LOC128125817: variants seen among roughly 807,000 people sequenced by gnomAD.
chr1:41,595,466 G>GAAAGGAGTCTGGAGACTAATCA, the LOC128125817 span, among the ~76,000 whole-genome samples: 6 of 152,156 alleles, frequency 3.9e-5, no homozygotes, highest in African/African-American at 1.4e-4. Context: ...GGGACATGCC[G>GAAAGGAGTCTGGAGACTAATCA]AGAAAGGAGT....
the LOC128125817 span, among the ~76,000 whole-genome samples, chr1:41,592,908 G>A: frequency 1.1e-4 from 16 of 152,188 alleles, no homozygotes; most frequent in African/African-American, 1.4e-4. Context: ...CCTGGACACC[G>A]GCTTCTGCCA....
chr1:41,619,650 G>C, the LOC128125817 span, among the ~76,000 whole-genome samples: 1 of 152,190 alleles, frequency 6.6e-6, no homozygotes, highest in Non-Finnish European at 1.5e-5. Flanking sequence ...ACTGGTATGG[G>C]TGTTAGGAGT....
chr1:41,587,630 G>A, the LOC128125817 span, among the ~76,000 whole-genome samples: 1 of 152,218 alleles, frequency 6.6e-6, no homozygotes, highest in Non-Finnish European at 1.5e-5. Flanking sequence ...CTTCTATGGA[G>A]ACTAAAGTTA....
chr1:41,616,805 G>A, the LOC128125817 span, among the ~76,000 whole-genome samples: 4 of 152,124 alleles, frequency 2.6e-5, no homozygotes, highest in Middle Eastern at 3.4e-3. Context: ...CTCAGCACTC[G>A]GCCTTCCTCA....
chr1:41,611,115 T>C, the LOC128125817 span, among the ~76,000 whole-genome samples: 1 of 152,330 alleles, frequency 6.6e-6, no homozygotes, highest in Admixed American at 6.5e-5. Context: ...TACTAGTGTA[T>C]GTTACACTCC....
the LOC128125817 span, among the ~76,000 whole-genome samples, chr1:41,594,223 ATTTT>A: frequency 6.6e-6 from 1 of 152,050 alleles, no homozygotes; most frequent in Admixed American, 6.6e-5. Context: ...AGTTATAATT[ATTTT>A]ATTATTATTT....
At chr1:41,619,497 A>ATGTAACTC in the LOC128125817 span, among the ~76,000 whole-genome samples, 1 of 152,230 alleles carries the variant, frequency 6.6e-6, no homozygotes, top group Admixed American at 6.5e-5. Flanking sequence ...CCCTACCAGA[A>ATGTAACTC]TGTAACTCCA....
the LOC128125817 span, among the ~76,000 whole-genome samples, chr1:41,621,998 C>G: frequency 2.0e-5 from 3 of 152,232 alleles, no homozygotes; most frequent in Middle Eastern, 3.2e-3. Flanking sequence ...TCATTTCCTG[C>G]CTGGATTGCT....
At chr1:41,603,127 C>T in the LOC128125817 span, among the ~76,000 whole-genome samples, 3 of 151,508 alleles carry the variant, frequency 2.0e-5, no homozygotes, top group Admixed American at 6.6e-5. Context: ...AGTGTAGCGG[C>T]GCGATCTCTG....
chr1:41,612,296 C>G, the LOC128125817 span, among the ~76,000 whole-genome samples: 6 of 152,198 alleles, frequency 3.9e-5, no homozygotes, highest in African/African-American at 1.4e-4. Flanking sequence ...GTTTACACCC[C>G]TGTTTCAGAT....
chr1:41,589,803 G>A, the LOC128125817 span, among the ~76,000 whole-genome samples: 1 of 152,146 alleles, frequency 6.6e-6, no homozygotes, highest in African/African-American at 2.4e-5. Flanking sequence ...CTCTTTGCTT[G>A]TAATTTACTT....
chr1:41,600,479 T>A, the LOC128125817 span, among the ~76,000 whole-genome samples: 2 of 152,182 alleles, frequency 1.3e-5, no homozygotes, highest in African/African-American at 4.8e-5. Flanking sequence ...ACTGCATAAT[T>A]TCACTTATAT....
chr1:41,602,126 A>G, the LOC128125817 span, among the ~76,000 whole-genome samples: 2 of 151,762 alleles, frequency 1.3e-5, no homozygotes, highest in Non-Finnish European at 2.9e-5. Flanking sequence ...CCTTTAATGC[A>G]CTATTTGGTT....
the LOC128125817 span, among the ~76,000 whole-genome samples, chr1:41,586,306 G>A: frequency 3.3e-5 from 5 of 152,102 alleles, no homozygotes; most frequent in African/African-American, 4.8e-5. Flanking sequence ...GAACAGGGTC[G>A]GAATCCCAAG....
chr1:41,624,171 C>T, the LOC128125817 span, among the ~76,000 whole-genome samples: 3 of 152,184 alleles, frequency 2.0e-5, no homozygotes, highest in Non-Finnish European at 2.9e-5. Context: ...ATCTCTCCTC[C>T]TTCCTCCTCT....
the LOC128125817 span, among the ~76,000 whole-genome samples, chr1:41,592,357 C>T: frequency 1.3e-5 from 2 of 152,222 alleles, no homozygotes; most frequent in African/African-American, 2.4e-5. Context: ...CTCAAGATCA[C>T]TTCCTTTCTG....
At chr1:41,603,667 G>C in the LOC128125817 span, among the ~76,000 whole-genome samples, 3 of 152,150 alleles carry the variant, frequency 2.0e-5, no homozygotes, top group Non-Finnish European at 4.4e-5. Context: ...GCCTGCTATT[G>C]ATTTCTAGTT....
the LOC128125817 span, among the ~76,000 whole-genome samples, chr1:41,598,794 C>T: frequency 7.5e-6 from 1 of 133,768 alleles, no homozygotes; most frequent in Non-Finnish European, 1.6e-5. Flanking sequence ...CCCACACATA[C>T]AGTCACATGA....
the LOC128125817 span, among the ~76,000 whole-genome samples, chr1:41,621,012 A>G: frequency 6.6e-6 from 1 of 152,192 alleles, no homozygotes; most frequent in Non-Finnish European, 1.5e-5. Context: ...CAAGTAATTG[A>G]CAGTGTGACC....
Sources: gnomAD v4.1 joint callset for allele counts (sites outside exome capture counted in the v4.1 genomes callset) on GRCh38, gnomAD v4.1.1 for gene constraint, MANE v1.5 for transcripts.